KCNIP4: variants seen among roughly 807,000 people sequenced by gnomAD.
KCNIP4 encodes the protein Kv channel-interacting protein 4.
A neutral mutation model predicts 34.0 loss-of-function variants in KCNIP4; 12 were observed. The observed-to-expected ratio is 0.35, with a 90% confidence interval of 0.23 to 0.57. The LOEUF is 0.57. Among genes scored for constraint, KCNIP4 ranks in the 20% least tolerant of loss-of-function variants. KCNIP4 has a pLI of 0.83. For missense variants in KCNIP4, 238 were observed against 311.7 expected, an observed-to-expected ratio of 0.76 and a Z score of 1.78; for synonymous variants, 124 against 102.2, an observed-to-expected ratio of 1.21 and a Z score of -1.29.
chr4:21,692,980 A>G (rs982689205), intron 1 of KCNIP4, among the ~76,000 whole-genome samples: 1 of 151,628 alleles, frequency 6.6e-6, no homozygotes, highest in African/African-American at 2.4e-5. Flanking sequence ...TACATAGGAG[A>G]GAGAGGTTGG....
chr4:21,784,433 AT>A (rs35521094), intron 1 of KCNIP4, among the ~76,000 whole-genome samples: 18,403 of 152,000 alleles, frequency 0.12, 3,357 homozygotes, highest in African/African-American at 0.39. Context: ...AAAAAAAAAC[AT>A]TTTTTGATTA....
intron 1 of KCNIP4, among the ~76,000 whole-genome samples, chr4:21,609,647 C>A (rs938154118): frequency 6.6e-6 from 1 of 152,068 alleles, no homozygotes; most frequent in Non-Finnish European, 1.5e-5. Context: ...AACAAGATAT[C>A]CTCATGGAAA....
intron 1 of KCNIP4, among the ~76,000 whole-genome samples, chr4:21,789,007 A>G (rs1477975963): frequency 7.0e-6 from 1 of 143,340 alleles, no homozygotes; most frequent in Non-Finnish European, 1.5e-5. Flanking sequence ...CGGGAGGCAG[A>G]GGCTGCAATG....
intron 1 of KCNIP4, among the ~76,000 whole-genome samples, chr4:21,119,632 C>T (rs1749978453): frequency 6.6e-6 from 1 of 151,958 alleles, no homozygotes; most frequent in African/African-American, 2.4e-5. Flanking sequence ...CCTTTCCCCA[C>T]TGCCTAATGT....
At chr4:21,470,059 G>A (rs1029375522) in intron 1 of KCNIP4, among the ~76,000 whole-genome samples, 31 of 152,314 alleles carry the variant, frequency 2.0e-4, no homozygotes, top group Admixed American at 1.9e-3. Flanking sequence ...TGTCTGCTAA[G>A]AAATAATACA....
intron 1 of KCNIP4, among the ~76,000 whole-genome samples, chr4:21,107,775 G>T (rs1473500525): frequency 1.3e-5 from 2 of 151,482 alleles, no homozygotes; most frequent in African/African-American, 4.9e-5. Flanking sequence ...TCCTTCAGGA[G>T]CTCTTTTAGG....
At chr4:21,150,731 G>A (rs1450311265) in intron 1 of KCNIP4, among the ~76,000 whole-genome samples, 4 of 152,136 alleles carry the variant, frequency 2.6e-5, no homozygotes, top group Non-Finnish European at 5.9e-5. Flanking sequence ...AAATTTACTA[G>A]CCCCACATTC....
At chr4:20,926,682 T>C (rs1362429987) in intron 1 of KCNIP4, among the ~76,000 whole-genome samples, 1 of 152,202 alleles carries the variant, frequency 6.6e-6, no homozygotes, top group Non-Finnish European at 1.5e-5. Context: ...TTGAGATTCT[T>C]TAAGGCACAC....
chr4:21,029,977 CA>C (rs1740870048), intron 1 of KCNIP4, among the ~76,000 whole-genome samples: 1 of 152,102 alleles, frequency 6.6e-6, no homozygotes, highest in South Asian at 2.1e-4. Flanking sequence ...TTGATAAAAA[CA>C]AAACTTGGAG....
intron 1 of KCNIP4, among the ~76,000 whole-genome samples, chr4:21,418,798 G>T (rs1725188330): frequency 6.6e-6 from 1 of 152,074 alleles, no homozygotes; most frequent in Non-Finnish European, 1.5e-5. Flanking sequence ...TTTAACCTGG[G>T]TGCTGATGTT....
intron 1 of KCNIP4, among the ~76,000 whole-genome samples, chr4:21,259,980 G>C (rs971708332): frequency 6.6e-6 from 1 of 151,756 alleles, no homozygotes; most frequent in Non-Finnish European, 1.5e-5. Flanking sequence ...ATTTGGAACA[G>C]AACTGTGTGA....
At chr4:20,878,372 C>T (rs1162094226) in intron 2 of KCNIP4, among the ~76,000 whole-genome samples, 1 of 152,170 alleles carries the variant, frequency 6.6e-6, no homozygotes, top group African/African-American at 2.4e-5. Flanking sequence ...TCTCTCCAGA[C>T]CTTCACATTA....
chr4:21,019,640 T>C (rs1577545794), intron 1 of KCNIP4, among the ~76,000 whole-genome samples: 2 of 152,134 alleles, frequency 1.3e-5, no homozygotes, highest in African/African-American at 2.4e-5. Flanking sequence ...GTCTGTAAAA[T>C]AGGGGACAAT....
intron 3 of KCNIP4, among the ~76,000 whole-genome samples, chr4:20,775,160 C>T (rs1213345766): frequency 6.6e-6 from 1 of 152,150 alleles, no homozygotes; most frequent in Non-Finnish European, 1.5e-5. Flanking sequence ...TATAGAATCT[C>T]TCCACTGATG....
At chr4:20,924,504 TTTCTC>T (rs1360351812) in intron 1 of KCNIP4, among the ~76,000 whole-genome samples, 4 of 152,164 alleles carry the variant, frequency 2.6e-5, no homozygotes, top group African/African-American at 9.7e-5. Context: ...ATATAAAAGT[TTTCTC>T]TTTTCTTTCT....
chr4:20,962,266 C>T (rs1733921118), intron 1 of KCNIP4, among the ~76,000 whole-genome samples: 1 of 152,216 alleles, frequency 6.6e-6, no homozygotes, highest in African/African-American at 2.4e-5. Context: ...AGCATCACTC[C>T]TGACACCTAA....
chr4:20,859,626 C>A (rs1302915962), intron 2 of KCNIP4, among the ~76,000 whole-genome samples: 3 of 152,084 alleles, frequency 2.0e-5, no homozygotes, highest in South Asian at 2.1e-4. Flanking sequence ...GAATTCAAAT[C>A]ATCTAGGAAC....
At chr4:21,263,635 A>T (rs1440422055) in intron 1 of KCNIP4, among the ~76,000 whole-genome samples, 1 of 152,108 alleles carries the variant, frequency 6.6e-6, no homozygotes, top group Non-Finnish European at 1.5e-5. Flanking sequence ...CAACTTGTAT[A>T]ACTCTAAATG....
intron 1 of KCNIP4, among the ~76,000 whole-genome samples, chr4:21,768,933 G>C (rs1345781190): frequency 6.6e-6 from 1 of 151,814 alleles, no homozygotes; most frequent in Non-Finnish European, 1.5e-5. Context: ...CAAACATTTG[G>C]AATTTTTTTC....
Sources: gnomAD v4.1 joint callset for allele counts (sites outside exome capture counted in the v4.1 genomes callset) on GRCh38, gnomAD v4.1.1 for gene constraint, MANE v1.5 for transcripts, NCBI Gene and HGNC (gene_info 2026-07-23, HGNC 2026-07-21) for gene names.